TFE3: variants seen among roughly 807,000 people sequenced by gnomAD.
TFE3 encodes transcription factor E3.
TFE3 carries 5 observed loss-of-function variants against 35.0 expected under a neutral mutation model. That is an observed-to-expected ratio of 0.14 (90% confidence interval 0.07 to 0.30). TFE3 has a LOEUF of 0.30. Among genes scored for constraint, TFE3 ranks in the 10% least tolerant of loss-of-function variants. The probability of loss-of-function intolerance (pLI) is 1.00; values close to 1 mark genes in which losing one functional copy is unlikely to be tolerated. For missense variants in TFE3, 374 were observed against 496.6 expected (o/e 0.75, Z 2.35); for synonymous variants, 211 against 215.6 (o/e 0.98, Z 0.18).
At chrX:49,043,062 G>T in intron 1 of TFE3, 49 bp downstream of exon 1, 1 of 1,057,368 alleles carries the variant, frequency 9.5e-7, no homozygotes, top group Non-Finnish European at 1.3e-6. Flanking sequence ...CCCGAGATCA[G>T]GCCCCTGGGA....
rs2064770317 is a variant in TFE3, at chrX:49,043,326, C to T, written c.-100G>A. 2 of 630,112 alleles carry T rather than the reference C, an allele frequency of 3.2e-6. No individual in the cohort carries two copies. Among genetic ancestry groups the T allele is most frequent in the African/African-American group, 2.3e-5 (1 of 43,498 alleles). 51.9% of individuals were successfully genotyped at this position (630,112 alleles called of 1,213,427 possible). Reference sequence around the variant, plus strand: ...CCCTCCCCCCAGCTCGCCACCGCCGCCTCCTCCGCTAAGCCATGGAGCTAG... The same window carrying T: ...CCCTCCCCCCAGCTCGCCACCGCCGTCTCCTCCGCTAAGCCATGGAGCTAG... On this transcript the variant is annotated 5_prime_UTR_variant, in exon 1 of 10. Coordinates refer to ENST00000315869, the MANE Select transcript of TFE3 (RefSeq NM_006521.6).
intron 8 of TFE3, 51 bp downstream of exon 8, chrX:49,033,414 G>T: frequency 8.7e-7 from 1 of 1,145,461 alleles, no homozygotes. Flanking sequence ...TTAGTAGCAT[G>T]GGACGCCTGC....
intron 8 of TFE3, among the ~76,000 whole-genome samples, chrX:49,032,490 G>A (rs1211822843): frequency 1.8e-5 from 2 of 109,151 alleles, no homozygotes; most frequent in African/African-American, 6.7e-5. Context: ...CACCCGTCTC[G>A]GCCTCCCCAA....
Position 49,038,118 on chromosome X carries a change from G to A in TFE3, c.781-4C>T, listed in dbSNP as rs1310237335. 2.3e-5 allele frequency: 28 copies of A among 1,209,261 alleles called. No homozygotes were observed. The highest frequency in any genetic ancestry group is 8.7e-5 in the Admixed American group (4 of 45,718). On this transcript the variant is annotated splice_polypyrimidine_tract_variant and splice_region_variant and intron_variant, in intron 4 of 9. Transcript: ENST00000315869. ...TCTCATCAATGACATCATCAATCTA[G>A]GGGAAGAAGTAAATATTATACAGGT... is the stretch of plus-strand genomic sequence containing the variant.
In TFE3 at chrX:49,039,244, G is replaced by T; in HGVS notation, c.397C>A (p.Arg133Ser). ...GGAGCCGCGGCGGCCTGTTCCCGAC[G>T]CTCACGCCTCTCCTGCTCCTGCGCC... is the stretch of plus-strand genomic sequence containing the variant. ...AQAQEQERRERREQAAAAPFP... is the reference protein window; with the variant it reads ...AQAQEQERRESREQAAAAPFP... The change falls in exon 3 of 10, where the codon CGT becomes AGT. Residue 133 changes from arginine (R) to serine (S), a missense_variant. Arg to Ser is a moderately radical substitution (Grantham distance 110). Transcript: ENST00000315869. The T allele has an allele frequency of 8.3e-7, 1 of 1,206,528 alleles. No individual in the cohort carries two copies. The highest frequency in any genetic ancestry group is 1.8e-5 in the South Asian group (1 of 56,161).
chrX:49,028,804 CCTCCATG>C lies in TFE3; in HGVS notation c.*1347_*1353del. 1 of 170,932 alleles carries C rather than the reference CCTCCATG, an allele frequency of 5.9e-6. No individual in the cohort carries two copies. Among genetic ancestry groups the C allele is most frequent in the Non-Finnish European group, 1.1e-5 (1 of 88,566 alleles). 14.1% of individuals were successfully genotyped at this position (170,932 alleles called of 1,213,427 possible). On this transcript the variant is annotated 3_prime_UTR_variant, in exon 10 of 10. Coordinates refer to ENST00000315869, the MANE Select transcript of TFE3 (RefSeq NM_006521.6). ...CAAACCTATAGACCCCTCAGTATACCCTCCATGGGGCCTGGCCCCAGCAATCCAAAGC... is the reference window on the plus strand; with the variant it reads ...CAAACCTATAGACCCCTCAGTATACCGGGCCTGGCCCCAGCAATCCAAAGC...
chrX:49,033,711 C>T lies in TFE3; in HGVS notation c.1060+15G>A, dbSNP rs369475777. 3.3e-6 allele frequency: 4 copies of T among 1,210,905 alleles called. No homozygotes were observed. The highest frequency in any genetic ancestry group is 3.0e-5 in the East Asian group (1 of 33,835). ...CTGCACAGCACCCGGGCAATGCACA[C>T]GCTCTCTGGCTTACTTAGGTTGTGA... On this transcript the variant is annotated intron_variant, in intron 7 of 9. Transcript: ENST00000315869.
rs372564649 is a variant in TFE3 at position 49,039,227 on chromosome X, G to A, written c.414C>T (p.Ala138=). ...GTGCAGGACTGGGGAAGGGAGCCGC[G>A]GCGGCCTGTTCCCGACGCTCACGCC... The part of the protein sequence containing the change: ...QERRERREQA[A]AAPFPSPAPA... Residue 138 remains alanine, a synonymous_variant, in exon 3 of 10, where the codon GCC becomes GCT. Coordinates refer to ENST00000315869, the MANE Select transcript of TFE3 (RefSeq NM_006521.6). 77 of 1,204,706 alleles carry A rather than the reference G, an allele frequency of 6.4e-5. No homozygotes were observed. The highest frequency in any genetic ancestry group is 1.8e-4 in the East Asian group (6 of 33,535).
rs1435199180 is a variant in TFE3 at position 49,028,995 on chromosome X, A to C, written c.*1163T>G. 5.8e-6 allele frequency: 1 copy of C among 171,694 alleles called. No homozygotes were observed. Among genetic ancestry groups the C allele is most frequent in the East Asian group, 8.2e-5 (1 of 12,145 alleles). The allele number at this position is 171,694 out of a possible 1,213,427, so 14.1% of individuals were successfully genotyped here. A position where few individuals can be genotyped will look rare whatever the true frequency, so the allele number is the denominator to read the frequency against. ...ATGCGGAGCAATAAAAAAATCAGAT[A>C]AACAAATGAGGGGGTACAATATGCT... On this transcript the variant is annotated 3_prime_UTR_variant, in exon 10 of 10. Coordinates refer to ENST00000315869, the MANE Select transcript of TFE3 (RefSeq NM_006521.6).
intron 5 of TFE3, among the ~76,000 whole-genome samples, chrX:49,034,471 G>A (rs1472060519): frequency 8.9e-6 from 1 of 111,838 alleles, no homozygotes; most frequent in African/African-American, 3.2e-5. Context: ...ACCTTGCTTC[G>A]CTGGGAGACT....
Position 49,031,552 on chromosome X carries a change from G to T in TFE3, c.1137-8C>A. ...TTGTTCCAGCGCATCTCCCTGTGGGGCCCAAGTGGGAGGCAAGCAGGAAAT... is the reference window on the plus strand; with the variant it reads ...TTGTTCCAGCGCATCTCCCTGTGGGTCCCAAGTGGGAGGCAAGCAGGAAAT... On this transcript the variant is annotated splice_polypyrimidine_tract_variant and splice_region_variant and intron_variant, in intron 8 of 9. Transcript: ENST00000315869. The T allele has an allele frequency of 8.5e-7, 1 of 1,170,198 alleles. No homozygotes were observed. Among genetic ancestry groups the T allele is most frequent in the Non-Finnish European group, 1.1e-6 (1 of 873,912 alleles).
chrX:49,029,286 G>T lies in TFE3; in HGVS notation c.*872C>A. Reference sequence around the variant, plus strand: ...ATATAGGTCTGGAAAATTCATCCATGAAATTTCATAATCTGTCCCCTTCCC... The same window carrying T: ...ATATAGGTCTGGAAAATTCATCCATTAAATTTCATAATCTGTCCCCTTCCC... On this transcript the variant is annotated 3_prime_UTR_variant, in exon 10 of 10. Transcript: ENST00000315869. 1 of 181,003 alleles carries T rather than the reference G, an allele frequency of 5.5e-6. No homozygotes were observed. Among genetic ancestry groups the T allele is most frequent in the Non-Finnish European group, 1.1e-5 (1 of 94,076 alleles). The allele number at this position is 181,003 out of a possible 1,213,427, so 14.9% of individuals were successfully genotyped here.
rs941331127 is a variant in TFE3 at position 49,039,715 on chromosome X, G to C, written c.231-305C>G. ...AGATGCTATTGTTCAGCTCTGCAAGGGGGGGTTTGTCCTATTTACAGGAGA... is the reference window on the plus strand; with the variant it reads ...AGATGCTATTGTTCAGCTCTGCAAGCGGGGGTTTGTCCTATTTACAGGAGA... On this transcript the variant is annotated intron_variant, in intron 2 of 9. Transcript: ENST00000315869. 4 of 234,560 alleles carry C rather than the reference G, an allele frequency of 1.7e-5. No individual in the cohort carries two copies. The Admixed American group carries it at 2.1e-4, about 12-fold the overall frequency. The allele number at this position is 234,560 out of a possible 1,213,427, so 19.3% of individuals were successfully genotyped here.
At chrX:49,038,154 T>C (rs1384864469) in intron 4 of TFE3, 40 bp from the exon 5 acceptor site, 2 of 1,210,003 alleles carry the variant, frequency 1.7e-6, no homozygotes. Context: ...TTAGAAGAAT[T>C]TGGGAGGGGA....
chrX:49,040,181 G>A (rs1168404098), intron 2 of TFE3, among the ~76,000 whole-genome samples: 2 of 110,743 alleles, frequency 1.8e-5, no homozygotes, highest in Non-Finnish European at 3.8e-5. Flanking sequence ...ACTCCAGGCC[G>A]GCTGGAACAC....
intron 8 of TFE3, among the ~76,000 whole-genome samples, chrX:49,032,841 A>C (rs1232360018): frequency 9.3e-6 from 1 of 106,969 alleles, no homozygotes; most frequent in African/African-American, 3.5e-5. Flanking sequence ...CGCCCAGCTA[A>C]ATTTTTTTTA....
In TFE3 at chrX:49,029,572, G is replaced by A. The variant is rs1046374630; in HGVS notation, c.*586C>T. On this transcript the variant is annotated 3_prime_UTR_variant, in exon 10 of 10. Coordinates refer to ENST00000315869, the MANE Select transcript of TFE3 (RefSeq NM_006521.6). ...GGCTCCTCCATTCCTAGAAGGCCAG[G>A]AGAGTTCCCAGGGGAAGGGGCTGGG... The A allele has an allele frequency of 1.5e-5, 5 of 330,365 alleles. No individual in the cohort carries two copies. The Admixed American group carries it at 1.8e-4, about 12-fold the overall frequency. The allele number at this position is 330,365 out of a possible 1,213,427, so 27.2% of individuals were successfully genotyped here.
intron 9 of TFE3, 21 bp downstream of exon 9, chrX:49,031,376 C>T: frequency 8.5e-7 from 1 of 1,175,925 alleles, no homozygotes; most frequent in Non-Finnish European, 1.1e-6. Context: ...CTTCCCCCAC[C>T]ACCATCTCCT....
intron 5 of TFE3, among the ~76,000 whole-genome samples, chrX:49,035,326 T>TAAATAAATAAAG (rs2064722256): frequency 1.0e-5 from 1 of 98,033 alleles, no homozygotes; most frequent in Non-Finnish European, 2.0e-5. Flanking sequence ...TATCTCAAAA[T>TAAATAAATAAAG]AAATAAATAA....
Sources: allele counts gnomAD v4.1 joint callset (sites outside exome capture counted in the v4.1 genomes callset), GRCh38; gene constraint gnomAD v4.1.1; transcripts MANE v1.5; gene names NCBI Gene and HGNC (gene_info 2026-07-23, HGNC 2026-07-21).